ARL15: variants seen among roughly 807,000 people sequenced by gnomAD.
ARL15 encodes ARF like GTPase 15.
Under a neutral mutation model 25.2 loss-of-function variants are expected in ARL15, and 19 were observed. That is an observed-to-expected ratio of 0.75 (90% confidence interval 0.53 to 1.10). The LOEUF (loss-of-function observed/expected upper bound fraction) is 1.10. ARL15 is among the 50% of genes least tolerant of loss of function. The pLI, the probability that ARL15 is intolerant of heterozygous loss-of-function variation, is 0.00. For missense variants in ARL15, 220 were observed against 246.0 expected, an observed-to-expected ratio of 0.89 and a Z score of 0.71; for synonymous variants, 94 against 86.8, an observed-to-expected ratio of 1.08 and a Z score of -0.46.
intron 4 of ARL15, among the ~76,000 whole-genome samples, chr5:53,905,250 A>C (rs1332273550): frequency 6.6e-6 from 1 of 152,110 alleles, no homozygotes; most frequent in Non-Finnish European, 1.5e-5. Context: ...AGTGTCTATC[A>C]CCTCAAATCC....
chr5:53,987,164 C>T (rs1053969946), intron 4 of ARL15, among the ~76,000 whole-genome samples: 3 of 152,004 alleles, frequency 2.0e-5, no homozygotes, highest in Non-Finnish European at 4.4e-5. Context: ...CTCAAGAGGC[C>T]CAAGTTATGT....
chr5:54,276,046 A>G (rs1030384415), intron 1 of ARL15, among the ~76,000 whole-genome samples: 1 of 152,024 alleles, frequency 6.6e-6, no homozygotes, highest in Admixed American at 6.6e-5. Flanking sequence ...ACACACCATC[A>G]TGCCTGGCCA....
intron 1 of ARL15, among the ~76,000 whole-genome samples, chr5:54,196,424 C>T (rs1467629977): frequency 6.6e-6 from 1 of 152,074 alleles, no homozygotes; most frequent in Non-Finnish European, 1.5e-5. Flanking sequence ...ACTGGGCCAC[C>T]TTTGCCAAAT....
chr5:53,951,588 C>A, intron 4 of ARL15: 1 of 468,780 alleles, frequency 2.1e-6, no homozygotes, highest in Non-Finnish European at 4.4e-6. Context: ...CACAAGAATA[C>A]CTTCACATAA....
chr5:53,974,764 T>C (rs1314444226), intron 4 of ARL15, among the ~76,000 whole-genome samples: 1 of 152,214 alleles, frequency 6.6e-6, no homozygotes, highest in Non-Finnish European at 1.5e-5. Context: ...CACACAGAAT[T>C]TGAGGCAACT....
intron 4 of ARL15, among the ~76,000 whole-genome samples, chr5:53,987,348 C>T (rs1366521804): frequency 6.6e-6 from 1 of 152,058 alleles, no homozygotes; most frequent in Non-Finnish European, 1.5e-5. Flanking sequence ...GTCTTGTATT[C>T]ATTTTCTCTT....
At chr5:54,302,712 T>TTTC (rs1554053980) in intron 1 of ARL15, among the ~76,000 whole-genome samples, 1 of 136,528 alleles carries the variant, frequency 7.3e-6, no homozygotes. Flanking sequence ...TTTTTTTTTT[T>TTTC]CCAGGATGGG....
At chr5:53,971,700 A>G (rs1038893700) in intron 4 of ARL15, among the ~76,000 whole-genome samples, 1 of 152,208 alleles carries the variant, frequency 6.6e-6, no homozygotes, top group African/African-American at 2.4e-5. Flanking sequence ...AACATGCTCA[A>G]TAACAAGTCT....
Position 54,113,252 on chromosome 5 carries a change from A to G in ARL15, c.412T>C (p.Leu138=), listed in dbSNP as rs1433946535. The G allele has an allele frequency of 4.3e-6, 7 of 1,613,754 alleles. No homozygotes were observed. Among genetic ancestry groups the G allele is most frequent in the Non-Finnish European group, 4.2e-6 (5 of 1,179,868 alleles). ...TTGTCTTGATGATTGGCCAATATTA[A>G]AAAGGGTAAAGTGCATAACTGTGGA... ...QHPQLCTLPF[L]ILANHQDKPA... is the part of the protein sequence containing the mutation. Residue 138 remains leucine (L), a synonymous_variant, in exon 4 of 5, where the codon TTA becomes CTA. Coordinates refer to ENST00000504924, the MANE Select transcript of ARL15 (RefSeq NM_019087.3).
intron 4 of ARL15, among the ~76,000 whole-genome samples, chr5:53,896,893 G>C (rs1415440357): frequency 2.0e-5 from 3 of 152,152 alleles, no homozygotes; most frequent in East Asian, 1.9e-4. Context: ...AGAAAACGTC[G>C]GTCTTCAAAG....
Position 54,052,197 on chromosome 5 carries a change from T to C in ARL15, c.462+61005A>G, listed in dbSNP as rs553635827. 8.5e-5 allele frequency among the ~76,000 whole-genome samples: 13 copies of C among 152,196 alleles called. No individual in the cohort carries two copies. In the South Asian group the frequency reaches 1.9e-3, roughly 22 times the overall value. The stretch of plus-strand genomic sequence containing the variant: ...GGTGAAACTATTATGTATGGTACTC[T>C]AAAAGTAGATGTAAGACATTAAGTA... On this transcript the variant is annotated intron_variant, in intron 4 of 4. Transcript: ENST00000504924.
At chr5:54,198,380 T>G (rs1755617311) in intron 1 of ARL15, among the ~76,000 whole-genome samples, 1 of 152,294 alleles carries the variant, frequency 6.6e-6, no homozygotes, top group East Asian at 1.9e-4. Context: ...ACGACACAAT[T>G]GGATATCTAG....
chr5:54,000,456 C>T (rs770353384), intron 4 of ARL15, among the ~76,000 whole-genome samples: 1 of 152,104 alleles, frequency 6.6e-6, no homozygotes, highest in Non-Finnish European at 1.5e-5. Flanking sequence ...AAACAGCTAC[C>T]CTTCAGAAGG....
intron 2 of ARL15, among the ~76,000 whole-genome samples, chr5:54,154,905 G>A (rs902389846): frequency 2.6e-5 from 4 of 152,246 alleles, no homozygotes; most frequent in Middle Eastern, 3.4e-3. Context: ...GGCAGATCAC[G>A]AGGTCAAGAG....
intron 4 of ARL15, among the ~76,000 whole-genome samples, chr5:53,973,501 G>C (rs1362525593): frequency 6.6e-6 from 1 of 151,134 alleles, no homozygotes; most frequent in East Asian, 2.0e-4. Flanking sequence ...TTGAACCCGG[G>C]AGGCAGAGGT....
chr5:54,003,484 G>T (rs1748913040), intron 4 of ARL15, among the ~76,000 whole-genome samples: 1 of 152,152 alleles, frequency 6.6e-6, no homozygotes, highest in Non-Finnish European at 1.5e-5. Context: ...CAATTCTGCT[G>T]AAGGTCTTTC....
chr5:54,049,846 A>G (rs1168655771), intron 4 of ARL15, among the ~76,000 whole-genome samples: 1 of 152,022 alleles, frequency 6.6e-6, no homozygotes, highest in Non-Finnish European at 1.5e-5. Flanking sequence ...TGCTGGGATT[A>G]CAGGCATGAG....
At chr5:53,989,878 G>T (rs976188815) in intron 4 of ARL15, among the ~76,000 whole-genome samples, 1 of 152,146 alleles carries the variant, frequency 6.6e-6, no homozygotes, top group Non-Finnish European at 1.5e-5. Flanking sequence ...GCACTTTGTT[G>T]TGTAAGACTA....
intron 4 of ARL15, among the ~76,000 whole-genome samples, chr5:53,984,812 C>T (rs1748236319): frequency 1.3e-5 from 2 of 152,054 alleles, no homozygotes; most frequent in Admixed American, 1.3e-4. Flanking sequence ...CCAACTTCCC[C>T]ACTTATTTCT....
Sources: allele counts gnomAD v4.1 joint callset (sites outside exome capture counted in the v4.1 genomes callset), GRCh38; gene constraint gnomAD v4.1.1; transcripts MANE v1.5; gene names NCBI Gene and HGNC (gene_info 2026-07-23, HGNC 2026-07-21).